The following PLEKHA7 variants were observed in gnomAD, a reference collection of about 807,000 sequenced individuals.
The protein encoded by PLEKHA7 is pleckstrin homology domain containing A7.
PLEKHA7 carries 104 observed loss-of-function variants against 170.0 expected under a neutral mutation model. The observed-to-expected ratio is 0.61, with a 90% CI of 0.52 to 0.72. The LOEUF (loss-of-function observed/expected upper bound fraction) is 0.72, where lower values mean the gene tolerates loss of function less well. PLEKHA7 is among the 30% of genes least tolerant of loss of function. The pLI, the probability that PLEKHA7 is intolerant of heterozygous loss-of-function variation, is 0.00. For missense variants in PLEKHA7, 1,615 were observed against 1,671.7 expected (o/e 0.97, Z 0.59); for synonymous variants, 648 against 660.8 (o/e 0.98, Z 0.30).
At chr11:16,841,398 G>C (rs567780471) in intron 9 of PLEKHA7, 149 bp downstream of exon 9, 1 of 837,916 alleles carries the variant, frequency 1.2e-6, no homozygotes, top group Non-Finnish European at 1.8e-6. Context: ...CCAGGCCTTA[G>C]TGTTTTTGTT....
rs79073387 is a variant in PLEKHA7, at chr11:16,900,350, T to C, written c.222-29168A>G. 2.2e-3 allele frequency among the ~76,000 whole-genome samples: 330 copies of C among 152,308 alleles called. 5 individuals carry two copies. The highest frequency in any genetic ancestry group is 0.016 in the East Asian group (83 of 5,174). ...ATATATGCATGGTTCAGTCTGTCCT[T>C]AGCTCAGGTGGAAAGGAAGACACTA... On this transcript the variant is annotated intron_variant, in intron 3 of 26. Transcript: ENST00000531066.
At chr11:16,800,911 GAAAAACAAAAAACA>G (rs545338870) in intron 17 of PLEKHA7, 49 bp downstream of exon 17, 133 of 1,443,704 alleles carry the variant, frequency 9.2e-5, no homozygotes, top group Non-Finnish European at 1.1e-4. Flanking sequence ...AAGTCTCTTG[GAAAAACAAAAAACA>G]AAAAACAAAA....
rs551684317 is a variant in PLEKHA7 at position 16,985,548 on chromosome 11, G to A, written c.221+28441C>T. Among the ~76,000 whole-genome samples the A allele has an allele frequency of 7.2e-4, 110 of 152,238 alleles. 1 individual carries two copies. The highest frequency in any genetic ancestry group is 3.4e-3 in the Middle Eastern group (1 of 294). The stretch of plus-strand genomic sequence containing the variant: ...AGAGAGCTCTTGGGGTGGGGGTGGG[G>A]ACAGCCACACACAACAGCTAGACAG... On this transcript the variant is annotated intron_variant, in intron 3 of 26. Transcript: ENST00000531066.
chr11:16,797,207 G>A (rs217738), intron 17 of PLEKHA7, among the ~76,000 whole-genome samples: 14,774 of 152,162 alleles, frequency 0.097, 837 homozygotes, highest in Middle Eastern at 0.16. Flanking sequence ...AAGGGACTAC[G>A]GCCATCTCTT....
At chr11:16,809,618 T>C (rs1298265483) in intron 13 of PLEKHA7, among the ~76,000 whole-genome samples, 1 of 152,208 alleles carries the variant, frequency 6.6e-6, no homozygotes, top group African/African-American at 2.4e-5. Flanking sequence ...CAGCATGTCA[T>C]AGAATCTAAG....
At chr11:16,807,815 T>G (rs1849095423) in intron 13 of PLEKHA7, among the ~76,000 whole-genome samples, 1 of 152,128 alleles carries the variant, frequency 6.6e-6, no homozygotes, top group African/African-American at 2.4e-5. Context: ...TGGGGGAGCT[T>G]TAAAAAGTAC....
At chr11:16,787,079 G>C (rs1339118832) in intron 23 of PLEKHA7, 1 of 985,298 alleles carries the variant, frequency 1.0e-6, no homozygotes, top group Non-Finnish European at 1.2e-6. Flanking sequence ...TATCAACTTT[G>C]TAACAAGCTT....
In PLEKHA7 at chr11:16,778,796, T is replaced by G. The variant is rs925394318; in HGVS notation, c.*202A>C. 8.3e-6 allele frequency: 5 copies of G among 603,750 alleles called. No individual in the cohort carries two copies. The highest frequency in any genetic ancestry group is 1.5e-5 in the Non-Finnish European group (5 of 337,558). The allele number at this position is 603,750 out of a possible 1,614,324, so 37.4% of individuals were successfully genotyped here. On this transcript the variant is annotated 3_prime_UTR_variant, in exon 27 of 27. Coordinates refer to ENST00000531066, the MANE Select transcript of PLEKHA7 (RefSeq NM_001329630.2). ...ATCAAAAGTGCCTTTGCCATTCATA[T>G]GTAGAGAGGAGTCTGAGCTAAACTA...
intron 3 of PLEKHA7, among the ~76,000 whole-genome samples, chr11:16,949,532 A>C (rs1189574911): frequency 6.6e-6 from 1 of 152,218 alleles, no homozygotes; most frequent in Non-Finnish European, 1.5e-5. Context: ...CATGAATCTG[A>C]TGCAGATGGC....
At chr11:16,881,610 A>G (rs568485363) in intron 3 of PLEKHA7, 1 of 152,310 alleles carries the variant, frequency 6.6e-6, no homozygotes, top group Non-Finnish European at 1.5e-5. Flanking sequence ...TCTAGAATCC[A>G]ATTCTTCCGT....
At chr11:17,011,113 T>C (rs955073301) in intron 3 of PLEKHA7, among the ~76,000 whole-genome samples, 2 of 152,168 alleles carry the variant, frequency 1.3e-5, no homozygotes, top group African/African-American at 4.8e-5. Context: ...TCAGCAAAGG[T>C]GTGGAAGGCT....
In PLEKHA7 at chr11:16,803,278, A is replaced by G; in HGVS notation, c.2025T>C (p.Leu675=). ...YLDLKMTGRD[L]LKDRSLKPVK... ...CAGGCTTCAGACTTCGATCCTTGAG[A>G]AGGTCCCGGCCTGTCATCTGGGAGG... The change falls in exon 14 of 27, where the codon CTT becomes CTC. Residue 675 remains leucine, a synonymous_variant. Transcript: ENST00000531066. 1 of 1,613,852 alleles carries G rather than the reference A, an allele frequency of 6.2e-7. No individual in the cohort carries two copies. Among genetic ancestry groups the G allele is most frequent in the Non-Finnish European group, 8.5e-7 (1 of 1,179,746 alleles).
chr11:16,965,488 T>C (rs1411770881), intron 3 of PLEKHA7, among the ~76,000 whole-genome samples: 1 of 152,178 alleles, frequency 6.6e-6, no homozygotes, highest in Non-Finnish European at 1.5e-5. Flanking sequence ...CTGACACTTC[T>C]CTATTGCCAA....
intron 3 of PLEKHA7, among the ~76,000 whole-genome samples, chr11:16,911,670 T>C (rs1858258460): frequency 6.6e-6 from 1 of 152,006 alleles, no homozygotes; most frequent in African/African-American, 2.4e-5. Flanking sequence ...CATGCAGGGT[T>C]GAACACTCAC....
chr11:16,792,476 T>C (rs1463365465), intron 19 of PLEKHA7, among the ~76,000 whole-genome samples: 1 of 150,544 alleles, frequency 6.6e-6, no homozygotes, highest in African/African-American at 2.5e-5. Flanking sequence ...AAATAGTATA[T>C]AGAATTATAT....
intron 3 of PLEKHA7, among the ~76,000 whole-genome samples, chr11:16,935,213 T>A (rs921191847): frequency 1.3e-5 from 2 of 152,212 alleles, no homozygotes; most frequent in East Asian, 1.9e-4. Context: ...GGCAGGCAGA[T>A]CAACTGAGGT....
chr11:17,001,185 C>T (rs1276616542), intron 3 of PLEKHA7, among the ~76,000 whole-genome samples: 1 of 152,172 alleles, frequency 6.6e-6, no homozygotes, highest in Non-Finnish European at 1.5e-5. Context: ...GCATTCCTCT[C>T]CTGTCTTGGA....
At chr11:16,969,386 C>A (rs967260409) in intron 3 of PLEKHA7, among the ~76,000 whole-genome samples, 4 of 152,138 alleles carry the variant, frequency 2.6e-5, no homozygotes, top group Admixed American at 2.0e-4. Context: ...AGCAGCAGTG[C>A]TTGATGTAAT....
intron 3 of PLEKHA7, among the ~76,000 whole-genome samples, chr11:16,996,069 T>C (rs1864321364): frequency 1.3e-5 from 2 of 152,158 alleles, no homozygotes; most frequent in South Asian, 4.1e-4. Flanking sequence ...AAAGACAAAA[T>C]ATCTGCTGTT....
Sources: allele counts gnomAD v4.1 joint callset (sites outside exome capture counted in the v4.1 genomes callset), GRCh38; gene constraint gnomAD v4.1.1; transcripts MANE v1.5; gene names NCBI Gene and HGNC (gene_info 2026-07-23, HGNC 2026-07-21).